BEND2: variants seen among roughly 807,000 people sequenced by gnomAD.
The protein encoded by BEND2 is BEN domain containing 2, also known as BEN domain-containing protein 2.
Under a neutral mutation model 43.8 loss-of-function variants are expected in BEND2, and 19 were observed. The observed-to-expected ratio is 0.43, with a 90% CI of 0.30 to 0.64. The LOEUF (loss-of-function observed/expected upper bound fraction) is 0.64, where lower values mean the gene tolerates loss of function less well. Among genes scored for constraint, BEND2 ranks in the 30% least tolerant of loss-of-function variants. The pLI, the probability that BEND2 is intolerant of heterozygous loss-of-function variation, is 0.11. For missense variants in BEND2, 544 were observed against 574.0 expected (o/e 0.95, Z 0.53); for synonymous variants, 226 against 210.1 (o/e 1.08, Z -0.66).
chrX:18,164,881 G>A lies in BEND2; in HGVS notation c.*128C>T. 1.6e-6 allele frequency: 1 copy of A among 638,329 alleles called. No homozygotes were observed. Among genetic ancestry groups the A allele is most frequent in the Non-Finnish European group, 2.4e-6 (1 of 424,005 alleles). 52.6% of individuals were successfully genotyped at this position (638,329 alleles called of 1,213,427 possible). On this transcript the variant is annotated 3_prime_UTR_variant, in exon 14 of 14. Transcript: ENST00000380033. ...CTTTATGAGCAGAAAAAGAGGTTTG[G>A]CGATTACTACAGGTGTCAATGCAAA... is the stretch of plus-strand genomic sequence containing the variant.
In BEND2 at chrX:18,180,412, A is replaced by G. The variant is rs377402676; in HGVS notation, c.1429+98T>C. The G allele has an allele frequency of 2.1e-4, 238 of 1,112,242 alleles. 4 individuals are homozygous for G. The East Asian group carries it at 3.1e-3, about 15-fold the overall frequency. The allele number at this position is 1,112,242 out of a possible 1,213,427, so 91.7% of individuals were successfully genotyped here. On this transcript the variant is annotated intron_variant, in intron 9 of 13. Transcript: ENST00000380033. ...TGAATATCACCTAAAACCTATCCTC[A>G]AAATAGGAAACACAGAGCTTTCACT...
chrX:18,170,801 G>T, intron 13 of BEND2, 200 bp downstream of exon 13: 2 of 400,712 alleles, frequency 5.0e-6, no homozygotes, highest in Non-Finnish European at 6.3e-6. Flanking sequence ...TCAAGACAGA[G>T]CAATTAGCCC....
rs371859233 is a variant in BEND2 at position 18,170,990 on chromosome X, G to A, written c.2185+11C>T. The A allele has an allele frequency of 5.0e-5, 60 of 1,206,949 alleles. No homozygotes were observed. The African/African-American group carries it at 9.2e-4, about 19-fold the overall frequency. Reference sequence around the variant, plus strand: ...TTTTATTTATTCAGACATACTCTATGTGTAACAAACCTCGGAGAGCACTAA... The same window carrying A: ...TTTTATTTATTCAGACATACTCTATATGTAACAAACCTCGGAGAGCACTAA... On this transcript the variant is annotated intron_variant, in intron 13 of 13. Coordinates refer to ENST00000380033, the MANE Select transcript of BEND2 (RefSeq NM_153346.5).
chrX:18,188,782 G>A (rs1924656943), intron 8 of BEND2, among the ~76,000 whole-genome samples: 1 of 111,871 alleles, frequency 8.9e-6, no homozygotes, highest in African/African-American at 3.2e-5. Context: ...TACGAGGTCA[G>A]TATTACCCTG....
chrX:18,208,623 G>A (rs748848908), intron 4 of BEND2, among the ~76,000 whole-genome samples: 97 of 111,268 alleles, frequency 8.7e-4, no homozygotes, highest in African/African-American at 3.1e-3. Context: ...GAGGATTTCA[G>A]AAGTCTTATA....
At position 18,202,543 on chromosome X, in the gene BEND2, A is replaced by C. The variant is rs745380193; in HGVS notation, c.908-603T>G. The stretch of plus-strand genomic sequence containing the variant: ...TCTACCTTCTGCCATGTGAGGACAC[A>C]GTGCTCCTCTCTTGCAGAGGATGCA... On this transcript the variant is annotated intron_variant, in intron 5 of 13. Transcript: ENST00000380033. 3.6e-5 allele frequency among the ~76,000 whole-genome samples: 4 copies of C among 111,810 alleles called. No individual in the cohort carries two copies. The South Asian group carries it at 1.5e-3, about 42-fold the overall frequency.
Position 18,191,131 on chromosome X carries a change from A to T in BEND2, c.1181-23T>A, listed in dbSNP as rs756756938. On this transcript the variant is annotated intron_variant, in intron 7 of 13. Transcript: ENST00000380033. ...ATTCTGTTTTGAACAACATTTCAAT[A>T]TGTAAAACATTTTGCAGTGCTGAAA... The T allele has an allele frequency of 4.5e-6, 5 of 1,123,315 alleles. No homozygotes were observed. The South Asian group carries it at 6.2e-5, about 14-fold the overall frequency. 92.6% of individuals were successfully genotyped at this position (1,123,315 alleles called of 1,213,427 possible).
chrX:18,191,074 ACT>A lies in BEND2; in HGVS notation c.1213_1214del (p.Ser405LeufsTer4). ...SGPQMSYGTM[S>X]YSTEMKNNCD... is the part of the protein sequence containing the mutation. ...AGTTATTTTTCATTTCAGTTGAGTAACTCATTGTCCCATAACTCATTTGTGGG... is the reference window on the plus strand; with the variant it reads ...AGTTATTTTTCATTTCAGTTGAGTAACATTGTCCCATAACTCATTTGTGGG... On this transcript the variant is annotated frameshift_variant, in exon 8 of 14. Transcript: ENST00000380033. LOFTEE classifies it high-confidence loss of function. 1 of 1,209,742 alleles carries A rather than the reference ACT, an allele frequency of 8.3e-7. No individual in the cohort carries two copies. The highest frequency in any genetic ancestry group is 1.1e-6 in the Non-Finnish European group (1 of 894,581).
chrX:18,212,817 C>T (rs1925556125), intron 3 of BEND2, 137 bp from the exon 4 acceptor site: 1 of 409,500 alleles, frequency 2.4e-6, no homozygotes, highest in South Asian at 5.3e-5. Flanking sequence ...AAGAATTCTT[C>T]CATGACCAAT....
At chrX:18,177,142 G>C (rs937659744) in intron 10 of BEND2, among the ~76,000 whole-genome samples, 1 of 110,082 alleles carries the variant, frequency 9.1e-6, no homozygotes, top group African/African-American at 3.3e-5. Context: ...GAAGGCAGGA[G>C]GCTAAAAAGA....
chrX:18,218,996 C>T (rs370494632), intron 1 of BEND2, among the ~76,000 whole-genome samples: 3 of 112,455 alleles, frequency 2.7e-5, no homozygotes, highest in South Asian at 3.7e-4. Flanking sequence ...CGGCTTTTCA[C>T]GCCGGGACCA....
chrX:18,217,934 T>TAAC (rs1229787238), intron 1 of BEND2, among the ~76,000 whole-genome samples: 2 of 106,495 alleles, frequency 1.9e-5, no homozygotes, highest in Non-Finnish European at 3.8e-5. Flanking sequence ...ATAATAATAA[T>TAAC]AATAATAATA....
intron 4 of BEND2, among the ~76,000 whole-genome samples, chrX:18,204,317 A>G (rs1317562508): frequency 8.9e-6 from 1 of 112,176 alleles, no homozygotes; most frequent in African/African-American, 3.2e-5. Flanking sequence ...AGTAGAGAAA[A>G]GCCTTGCTAA....
chrX:18,207,112 C>T lies in BEND2; in HGVS notation c.493-3197G>A, dbSNP rs749667699. ...AGGTAGGCTAGGGAGAACCTGCTCC[C>T]TCCCTTCCCAGCTCGCCTCTGCACC... On this transcript the variant is annotated intron_variant, in intron 4 of 13. Coordinates refer to ENST00000380033, the MANE Select transcript of BEND2 (RefSeq NM_153346.5). Among the ~76,000 whole-genome samples the T allele has an allele frequency of 1.4e-4, 15 of 111,005 alleles. No individual in the cohort carries two copies. The East Asian group carries it at 3.7e-3, about 28-fold the overall frequency.
rs771533854 is a variant in BEND2 at position 18,177,588 on chromosome X, G to A, written c.1611C>T (p.Asn537=). Residue 537 remains asparagine (N), a synonymous_variant, in exon 10 of 14, where the codon AAC becomes AAT. Coordinates refer to ENST00000380033, the MANE Select transcript of BEND2 (RefSeq NM_153346.5). ...HLKDSQSLDP[N]KMAALREYLA... is the part of the protein sequence containing the mutation. Reference sequence around the variant, plus strand: ...ACATACCTCTCAATGCAGCCATTTTGTTCGGGTCGAGGGATTGGCTGTCTT... The same window carrying A: ...ACATACCTCTCAATGCAGCCATTTTATTCGGGTCGAGGGATTGGCTGTCTT... 2.5e-6 allele frequency: 3 copies of A among 1,210,195 alleles called. No individual in the cohort carries two copies. Among genetic ancestry groups the A allele is most frequent in the Non-Finnish European group, 2.2e-6 (2 of 894,373 alleles).
chrX:18,172,738 G>T (rs1924015048), intron 12 of BEND2, among the ~76,000 whole-genome samples: 1 of 109,958 alleles, frequency 9.1e-6, no homozygotes. Context: ...TTTGCAGACT[G>T]ATTTATAATT....
intron 13 of BEND2, 62 bp from the exon 14 acceptor site, chrX:18,165,285 C>G: frequency 2.1e-6 from 2 of 958,030 alleles, no homozygotes; most frequent in Non-Finnish European, 3.0e-6. Flanking sequence ...GAAATCAATT[C>G]ATTCAACTTT....
rs142947560 is a variant in BEND2 at position 18,187,666 on chromosome X, G to A, written c.1288+3335C>T. Among the ~76,000 whole-genome samples the A allele has an allele frequency of 8.6e-3, 958 of 111,567 alleles. 15 individuals carry two copies. The highest frequency in any genetic ancestry group is 0.03 in the African/African-American group (912 of 30,808). ...GGTCTAATAGATATGAACATTTCAC[G>A]GATATATTAAATGTATATTCTGCAG... On this transcript the variant is annotated intron_variant, in intron 8 of 13. Transcript: ENST00000380033.
At chrX:18,214,869 T>G (rs1403100373) in intron 2 of BEND2, among the ~76,000 whole-genome samples, 1 of 100,412 alleles carries the variant, frequency 1.0e-5, no homozygotes, top group Non-Finnish European at 2.0e-5. Context: ...AAAATTCAGC[T>G]CATTACAAAT....
Sources: gnomAD v4.1 joint callset for allele counts (sites outside exome capture counted in the v4.1 genomes callset) on GRCh38, gnomAD v4.1.1 for gene constraint, MANE v1.5 for transcripts, NCBI Gene and HGNC (gene_info 2026-07-23, HGNC 2026-07-21) for gene names.